CARS1: variants seen among roughly 807,000 people sequenced by gnomAD.
CARS1 encodes the protein cysteinyl-tRNA synthetase 1, also known as cysteine--tRNA ligase, cytoplasmic.
Under a neutral mutation model 106.2 loss-of-function variants are expected in CARS1, and 48 were observed. The observed-to-expected ratio is 0.45, with a 90% CI of 0.36 to 0.57. CARS1 has a LOEUF of 0.57. Ranked by LOEUF, CARS1 falls within the 20% of genes least tolerant of loss-of-function variation. CARS1 has a pLI of 0.00. For synonymous variants in CARS1, 409 were observed against 403.4 expected, an observed-to-expected ratio of 1.01 and a Z score of -0.17; for missense variants, 968 against 1,057.2, an observed-to-expected ratio of 0.92 and a Z score of 1.17.
rs1217129185 is a variant in CARS1 at position 3,057,205 on chromosome 11, G to A, written c.25+138C>T. ...AGACCTCGGGCACTGCCGCCCCTCA[G>A]ACCACGGACACAGCTGCCCCTCAGA... On this transcript the variant is annotated intron_variant, in intron 1 of 22. Transcript: ENST00000380525. 5.8e-5 allele frequency: 44 copies of A among 754,380 alleles called. No individual in the cohort carries two copies. In the East Asian group the frequency reaches 1.2e-3, roughly 21 times the overall value. The allele number at this position is 754,380 out of a possible 1,614,324, so 46.7% of individuals were successfully genotyped here. A position where few individuals can be genotyped will look rare whatever the true frequency, so the allele number is the denominator to read the frequency against.
chr11:3,018,316 G>T, intron 14 of CARS1, 92 bp downstream of exon 14: 2 of 803,718 alleles, frequency 2.5e-6, no homozygotes, highest in South Asian at 1.6e-5. Flanking sequence ...TAGAGACATC[G>T]GGAGGCTGGT....
At position 3,015,786 on chromosome 11, in the gene CARS1, G is replaced by C; in HGVS notation, c.1981C>G (p.Leu661Val). Residue 661 changes from leucine (L) to valine (V), a missense_variant, in exon 17 of 23, where the codon CTC (leucine) becomes GTC (valine). Transcript: ENST00000380525. ...GGACCCTGCATGCTACTCACACTGA[G>C]GCTGGTTCCAGGCCCTCCGACCGGG... ...GFPVGGPGTS[L>V]SLEATVMPYL... 1.2e-6 allele frequency: 2 copies of C among 1,614,024 alleles called. No homozygotes were observed. The highest frequency in any genetic ancestry group is 1.7e-6 in the Non-Finnish European group (2 of 1,179,872).
At position 3,029,511 on chromosome 11, in the gene CARS1, G is replaced by T. The variant is rs1030397710; in HGVS notation, c.802-68C>A. On this transcript the variant is annotated intron_variant, in intron 7 of 22. Coordinates refer to ENST00000380525, the MANE Select transcript of CARS1 (RefSeq NM_001014437.3). This position sits in a 1 kb window ranked among gnomAD's most constrained non-coding sequence, Gnocchi z 5.9. Reference sequence around the variant, plus strand: ...TCACATGAGAACATCTCGTGCAGCTGGTGTGAGCCCATCAGTGCCCTGAAT... The same window carrying T: ...TCACATGAGAACATCTCGTGCAGCTTGTGTGAGCCCATCAGTGCCCTGAAT... The T allele has an allele frequency of 2.6e-6, 4 of 1,560,934 alleles. No homozygotes were observed. The highest frequency in any genetic ancestry group is 3.5e-6 in the Non-Finnish European group (4 of 1,146,566).
chr11:3,018,798 C>T (rs746200351), intron 12 of CARS1, 49 bp from the exon 13 acceptor site: 12 of 1,585,474 alleles, frequency 7.6e-6, no homozygotes, highest in South Asian at 4.6e-5. Context: ...TTACTGGGGC[C>T]GCCTCCTGCC....
Position 3,038,093 on chromosome 11 carries a change from A to T in CARS1, c.758T>A (p.Val253Glu). The T allele has an allele frequency of 1.9e-6, 3 of 1,614,188 alleles. No individual in the cohort carries two copies. The highest frequency in any genetic ancestry group is 2.5e-6 in the Non-Finnish European group (3 of 1,180,006). Residue 253 changes from valine (V) to glutamate (E), a missense_variant, in exon 7 of 23, where the codon GTG becomes GAG. By Grantham distance (121) the Val-to-Glu change is moderately radical. Coordinates refer to ENST00000380525, the MANE Select transcript of CARS1 (RefSeq NM_001014437.3). This position sits in a 1 kb window ranked among gnomAD's most constrained non-coding sequence, Gnocchi z 4.0. ...TTCCTCTCCCGTGAGTCTGGACTGC[A>T]CAGCTTTCTCAAGTGGCTCTGTGGC... is the stretch of plus-strand genomic sequence containing the variant. ...QLATEPLEKA[V>E]QSRLTGEEVN...
At chr11:3,005,685 T>C (rs778638368) in intron 19 of CARS1, among the ~76,000 whole-genome samples, 1 of 145,992 alleles carries the variant, frequency 6.8e-6, no homozygotes, top group Non-Finnish European at 1.5e-5. Context: ...CAGGCTGGAG[T>C]GCAGTGGCAC....
intron 7 of CARS1, among the ~76,000 whole-genome samples, chr11:3,035,249 T>C (rs1853462219): frequency 6.6e-6 from 1 of 151,686 alleles, no homozygotes; most frequent in Non-Finnish European, 1.5e-5. Context: ...AAAGGACCAA[T>C]AACCTCATGG....
Position 3,039,217 on chromosome 11 carries a change from C to G in CARS1, c.628G>C (p.Glu210Gln). Residue 210 changes from glutamate (E) to glutamine (Q), a missense_variant, in exon 6 of 23, where the codon GAG becomes CAG. By Grantham distance (29) the Glu-to-Gln change is conservative. Coordinates refer to ENST00000380525, the MANE Select transcript of CARS1 (RefSeq NM_001014437.3). The surrounding 1 kb of genome is among the most constrained non-coding windows in gnomAD (Gnocchi z 5.6). ...ACCTTCAGGGCGGCCTGAACATCCT[C>G]CAAGAGCTGTGCCGCTTCAGGCCTC... ...EKRPEAAQLL[E>Q]DVQAALKPFS... is the part of the protein sequence containing the mutation. 4 of 1,613,508 alleles carry G rather than the reference C, an allele frequency of 2.5e-6. No homozygotes were observed. Among genetic ancestry groups the G allele is most frequent in the East Asian group, 2.2e-5 (1 of 44,868 alleles).
At chr11:3,047,313 T>C (rs926292232) in intron 2 of CARS1, among the ~76,000 whole-genome samples, 1 of 149,434 alleles carries the variant, frequency 6.7e-6, no homozygotes, top group African/African-American at 2.5e-5. Context: ...TGCCAATTAA[T>C]ACTTTAGGAT....
At position 3,017,481 on chromosome 11, in the gene CARS1, T is replaced by A. The variant is rs1851153483; in HGVS notation, c.1728-186A>T. 3.4e-6 allele frequency: 2 copies of A among 588,658 alleles called. 1 individual carries two copies. Among genetic ancestry groups the A allele is most frequent in the Admixed American group, 6.0e-5 (2 of 33,492 alleles). 36.5% of individuals were successfully genotyped at this position (588,658 alleles called of 1,614,324 possible). A position where few individuals can be genotyped will look rare whatever the true frequency, so the allele number is the denominator to read the frequency against. On this transcript the variant is annotated intron_variant, in intron 15 of 22. Transcript: ENST00000380525. The surrounding 1 kb of genome is among the most constrained non-coding windows in gnomAD (Gnocchi z 4.9). ...AACATGGAGAGACCCCCACCTCTAC[T>A]AAAAATCTGAAATTAGCCAGGTATG...
chr11:3,024,875 T>C (rs886706033), intron 10 of CARS1, among the ~76,000 whole-genome samples: 1 of 152,234 alleles, frequency 6.6e-6, no homozygotes, highest in Non-Finnish European at 1.5e-5. Context: ...TATGTTTCTG[T>C]GTTCTTGGAA....
chr11:3,049,551 C>T (rs978149961), intron 1 of CARS1, among the ~76,000 whole-genome samples: 8 of 152,196 alleles, frequency 5.3e-5, no homozygotes, highest in Non-Finnish European at 8.8e-5. Flanking sequence ...TGCATCCAAA[C>T]CTTGAACCAG....
rs750579459 is a variant in CARS1, at chr11:3,041,054, GCAACAAACAT to G, written c.367-80_367-71del. The G allele has an allele frequency of 2.5e-6, 4 of 1,611,156 alleles. No homozygotes were observed. The highest frequency in any genetic ancestry group is 1.7e-5 in the Admixed American group (1 of 59,696). Reference sequence around the variant, plus strand: ...ACACTGCACAGGATTACCAAAAACAGCAACAAACATCACAGTGTGGTTTGTGTTTAGTGTA... The same window carrying G: ...ACACTGCACAGGATTACCAAAAACAGCACAGTGTGGTTTGTGTTTAGTGTA... On this transcript the variant is annotated intron_variant, in intron 3 of 22. Transcript: ENST00000380525. This position sits in a 1 kb window ranked among gnomAD's most constrained non-coding sequence, Gnocchi z 4.9.
At chr11:3,042,440 T>C in intron 2 of CARS1, 184 bp from the exon 3 acceptor site, 2 of 568,524 alleles carry the variant, frequency 3.5e-6, no homozygotes, top group Admixed American at 3.3e-5. Context: ...CTTTTTTTTT[T>C]TTTAGACGGA....
rs369550291 is a variant in CARS1 at position 3,015,641 on chromosome 11, AT to A, written c.1986+139del. ...CACACTTAGCACTCTCAGAGCCAGA[AT>A]TGCCATTTAGCTCGAGGCGCTGTCC... On this transcript the variant is annotated intron_variant, in intron 17 of 22. Coordinates refer to ENST00000380525, the MANE Select transcript of CARS1 (RefSeq NM_001014437.3). 1.9e-3 allele frequency: 1,378 copies of A among 734,210 alleles called. 14 individuals are homozygous for A. In the African/African-American group the frequency reaches 0.021, roughly 11 times the overall value. The allele number at this position is 734,210 out of a possible 1,614,324, so 45.5% of individuals were successfully genotyped here. A position where few individuals can be genotyped will look rare whatever the true frequency, so the allele number is the denominator to read the frequency against.
chr11:3,019,009 C>T lies in CARS1; in HGVS notation c.1395+130G>A, dbSNP rs151063107. On this transcript the variant is annotated intron_variant, in intron 12 of 22. Transcript: ENST00000380525. This position sits in a 1 kb window ranked among gnomAD's most constrained non-coding sequence, Gnocchi z 6.2. ...CTAAATGATCAGGGTTCAGATTCCA[C>T]CCACAAGCCCCGATGAAGGTGTCAA... 3.1e-3 allele frequency: 3,658 copies of T among 1,179,412 alleles called. 7 individuals carry two copies. Among genetic ancestry groups the T allele is most frequent in the Middle Eastern group, 5.3e-3 (21 of 3,950 alleles). 73.1% of individuals were successfully genotyped at this position (1,179,412 alleles called of 1,614,324 possible).
intron 7 of CARS1, among the ~76,000 whole-genome samples, chr11:3,033,046 A>AG (rs1853077013): frequency 7.6e-6 from 1 of 130,910 alleles, no homozygotes; most frequent in Non-Finnish European, 1.8e-5. Context: ...TCCTCTAAAA[A>AG]AAAACTTTTT....
intron 18 of CARS1, chr11:3,007,198 G>A (rs936336795): frequency 3.5e-6 from 2 of 573,772 alleles, no homozygotes; most frequent in African/African-American, 3.7e-5. Context: ...CGTAAGCCCA[G>A]GGGCTGTTCT....
At chr11:3,031,958 T>C (rs751211378) in intron 7 of CARS1, among the ~76,000 whole-genome samples, 11 of 148,834 alleles carry the variant, frequency 7.4e-5, no homozygotes, top group Non-Finnish European at 1.6e-4. Context: ...TTCCAAAATA[T>C]ACCAGTGCAC....
Sources: gnomAD v4.1 joint callset for allele counts (sites outside exome capture counted in the v4.1 genomes callset) on GRCh38, gnomAD v4.1.1 for gene constraint, Gnocchi (gnomAD v3.1) non-coding constraint, MANE v1.5 for transcripts, NCBI Gene and HGNC (gene_info 2026-07-23, HGNC 2026-07-21) for gene names.